Variants in ABLIM3 observed in about 807,000 individuals in gnomAD.
ABLIM3 encodes the protein actin-binding LIM protein 3.
ABLIM3 carries 61 observed loss-of-function variants against 109.5 expected under a neutral mutation model. The observed-to-expected ratio is 0.56, with a 90% confidence interval of 0.45 to 0.69. ABLIM3 has a LOEUF of 0.69. Among genes scored for constraint, ABLIM3 ranks in the 30% least tolerant of loss-of-function variants. ABLIM3 has a pLI of 0.00. For synonymous variants in ABLIM3, 300 were observed against 324.8 expected (o/e 0.92, Z 0.82); for missense variants, 796 against 889.5 (o/e 0.89, Z 1.34).
intron 5 of ABLIM3, among the ~76,000 whole-genome samples, chr5:149,206,620 C>A (rs1759002187): frequency 6.6e-6 from 1 of 152,128 alleles, no homozygotes; most frequent in Non-Finnish European, 1.5e-5. Context: ...TTCAAGAGGT[C>A]TGGGTGGGGT....
chr5:149,145,887 G>A, intron 2 of ABLIM3, among the ~76,000 whole-genome samples: 1 of 152,048 alleles, frequency 6.6e-6, no homozygotes, highest in East Asian at 1.9e-4. Flanking sequence ...CCAAGCTCAA[G>A]CGATCCTCCC....
intron 2 of ABLIM3, among the ~76,000 whole-genome samples, chr5:149,142,827 A>C (rs1307710250): frequency 6.6e-6 from 1 of 152,122 alleles, no homozygotes; most frequent in Non-Finnish European, 1.5e-5. Flanking sequence ...TCCGAAATTC[A>C]AGAAGGCACA....
rs551029732 is a variant in ABLIM3, at chr5:149,192,988, A to G, written c.152-5231A>G. Among the ~76,000 whole-genome samples, 3 of 152,306 alleles carry G rather than the reference A, an allele frequency of 2.0e-5. No individual in the cohort carries two copies. The South Asian group carries it at 6.2e-4, about 32-fold the overall frequency. ...TCTCTTTAATAAATACATTGCAAGG[A>G]GAAAATAAGAAGGAAAAATAACTAG... is the stretch of plus-strand genomic sequence containing the variant. On this transcript the variant is annotated intron_variant, in intron 3 of 23. Coordinates refer to ENST00000309868, the MANE Select transcript of ABLIM3 (RefSeq NM_014945.5).
At chr5:149,176,449 G>A (rs1467843700) in intron 2 of ABLIM3, among the ~76,000 whole-genome samples, 10 of 152,046 alleles carry the variant, frequency 6.6e-5, no homozygotes, top group Non-Finnish European at 1.0e-4. Flanking sequence ...CATTCCACTG[G>A]CACTGTTGCA....
intron 2 of ABLIM3, among the ~76,000 whole-genome samples, chr5:149,170,725 T>C (rs1388782608): frequency 6.6e-6 from 1 of 152,244 alleles, no homozygotes; most frequent in Non-Finnish European, 1.5e-5. Flanking sequence ...CAAATTCAGT[T>C]TGAAACTTTG....
chr5:149,257,269 C>T (rs1754514034), intron 23 of ABLIM3, among the ~76,000 whole-genome samples: 1 of 149,990 alleles, frequency 6.7e-6, no homozygotes, highest in African/African-American at 2.5e-5. Flanking sequence ...TCATGCACTG[C>T]AGCCTGGGTG....
intron 8 of ABLIM3, chr5:149,219,817 G>C (rs1028306589): frequency 6.6e-6 from 1 of 152,152 alleles, no homozygotes; most frequent in Non-Finnish European, 1.5e-5. Flanking sequence ...TCCTTCCCTG[G>C]TGAACAAACC....
At chr5:149,200,903 T>G (rs1014804420) in intron 5 of ABLIM3, among the ~76,000 whole-genome samples, 2 of 152,152 alleles carry the variant, frequency 1.3e-5, no homozygotes, top group Admixed American at 1.3e-4. Flanking sequence ...TCAGCTTCAC[T>G]GTGGGACTTG....
intron 23 of ABLIM3, among the ~76,000 whole-genome samples, chr5:149,255,372 G>A (rs1754340064): frequency 6.6e-6 from 1 of 152,202 alleles, no homozygotes; most frequent in East Asian, 1.9e-4. Flanking sequence ...TGCCCTCTTG[G>A]AACTTACATT....
chr5:149,258,380 G>A lies in ABLIM3; in HGVS notation c.2028G>A (p.Leu676=). ...DRLALWKRNE[L]KKQARLF is the part of the protein sequence containing the mutation. ...TGGCCCTCTGGAAGAGGAATGAACTGAAGAAGCAAGCCCGGCTGTTCTAGG... is the reference window on the plus strand; with the variant it reads ...TGGCCCTCTGGAAGAGGAATGAACTAAAGAAGCAAGCCCGGCTGTTCTAGG... The change falls in exon 24 of 24, where the codon CTG becomes CTA. Residue 676 remains leucine, a synonymous_variant. Transcript: ENST00000309868. 1 of 1,613,956 alleles carries A rather than the reference G, an allele frequency of 6.2e-7. No individual in the cohort carries two copies. The highest frequency in any genetic ancestry group is 1.1e-5 in the South Asian group (1 of 91,074).
Position 149,259,802 on chromosome 5 carries a change from T to G in ABLIM3, c.*1398T>G, listed in dbSNP as rs1388616784. 8.5e-6 allele frequency: 5 copies of G among 589,670 alleles called. No individual in the cohort carries two copies. In the African/African-American group the frequency reaches 9.3e-5, roughly 11 times the overall value. The allele number at this position is 589,670 out of a possible 1,614,324, so 36.5% of individuals were successfully genotyped here. On this transcript the variant is annotated 3_prime_UTR_variant, in exon 24 of 24. Transcript: ENST00000309868. Reference sequence around the variant, plus strand: ...TGGAGGAAGGATGAAGAAGTGAAAATGACAATAATGACTCTCAAGAGGCTG... The same window carrying G: ...TGGAGGAAGGATGAAGAAGTGAAAAGGACAATAATGACTCTCAAGAGGCTG...
At chr5:149,215,436 T>A (rs1444424173) in intron 7 of ABLIM3, among the ~76,000 whole-genome samples, 2 of 151,978 alleles carry the variant, frequency 1.3e-5, no homozygotes, top group African/African-American at 4.8e-5. Flanking sequence ...AATCTGCCTT[T>A]CCCACATTCT....
At chr5:149,204,345 C>T (rs985305323) in intron 5 of ABLIM3, among the ~76,000 whole-genome samples, 22 of 152,320 alleles carry the variant, frequency 1.4e-4, no homozygotes, top group African/African-American at 5.1e-4. Flanking sequence ...TTTCCTGATT[C>T]TATTTATTAC....
At chr5:149,245,192 C>G (rs1055730529) in intron 16 of ABLIM3, among the ~76,000 whole-genome samples, 177 bp downstream of exon 16, 1 of 152,204 alleles carries the variant, frequency 6.6e-6, no homozygotes, top group Non-Finnish European at 1.5e-5. Context: ...GCCATGGACC[C>G]TAGCAATACA....
intron 8 of ABLIM3, chr5:149,218,187 C>T (rs1273548115): frequency 6.6e-6 from 1 of 152,304 alleles, no homozygotes; most frequent in African/African-American, 2.4e-5. Context: ...ATCTATTTCT[C>T]ACAGTTCTGG....
intron 15 of ABLIM3, chr5:149,243,877 C>T (rs1274025943): frequency 6.6e-6 from 1 of 152,332 alleles, no homozygotes; most frequent in East Asian, 1.9e-4. Context: ...GAGGAAAAAG[C>T]TAAATGCAGT....
intron 22 of ABLIM3, 151 bp downstream of exon 22, chr5:149,252,359 C>T (rs1754017261): frequency 1.3e-6 from 1 of 774,820 alleles, no homozygotes; most frequent in South Asian, 2.2e-5. Flanking sequence ...TTTCCTGTCC[C>T]TTCTTGGCCC....
At chr5:149,159,768 A>G (rs574930693) in intron 2 of ABLIM3, among the ~76,000 whole-genome samples, 2 of 152,292 alleles carry the variant, frequency 1.3e-5, no homozygotes, top group Non-Finnish European at 2.9e-5. Flanking sequence ...TAAGCGTCGT[A>G]CAGCTCAAGA....
chr5:149,154,772 C>T (rs998150229), intron 2 of ABLIM3, among the ~76,000 whole-genome samples: 1 of 152,056 alleles, frequency 6.6e-6, no homozygotes, highest in East Asian at 1.9e-4. Context: ...TGTGACAAAC[C>T]CTGTCTGTTT....
Sources: gnomAD v4.1 joint callset for allele counts (sites outside exome capture counted in the v4.1 genomes callset) on GRCh38, gnomAD v4.1.1 for gene constraint, MANE v1.5 for transcripts, NCBI Gene and HGNC (gene_info 2026-07-23, HGNC 2026-07-21) for gene names.